ROBO1: variants seen among roughly 807,000 people sequenced by gnomAD.
ROBO1 encodes roundabout homolog 1.
A neutral mutation model predicts 195.9 loss-of-function variants in ROBO1; 149 were observed. That is an observed-to-expected ratio of 0.76 (90% confidence interval 0.67 to 0.87). ROBO1 has a LOEUF of 0.87. ROBO1 is among the 40% of genes least tolerant of loss of function. The probability of loss-of-function intolerance (pLI) is 0.00; values close to 1 mark genes in which losing one functional copy is unlikely to be tolerated. For synonymous variants in ROBO1, 816 were observed against 733.2 expected (o/e 1.11, Z -1.82); for missense variants, 1,933 against 2,068.3 (o/e 0.93, Z 1.27).
intron 2 of ROBO1, among the ~76,000 whole-genome samples, chr3:79,473,361 T>G (rs1938384435): frequency 1.3e-5 from 2 of 152,120 alleles, no homozygotes; most frequent in Non-Finnish European, 2.9e-5. Flanking sequence ...TCTCAGAGAC[T>G]CCGGAGGGAA....
intron 4 of ROBO1, among the ~76,000 whole-genome samples, chr3:78,849,831 T>TACACAC (rs576994363): frequency 0.051 from 4,072 of 79,538 alleles, 162 homozygotes; most frequent in African/African-American, 0.11. Context: ...TCTCTCCCAT[T>TACACAC]ACACACACAC....
intron 4 of ROBO1, among the ~76,000 whole-genome samples, chr3:78,907,310 AC>A (rs1021562893): frequency 8.3e-4 from 127 of 152,254 alleles, no homozygotes; most frequent in African/African-American, 2.8e-3. Flanking sequence ...AACAAAAAAA[AC>A]AACCACCTCT....
At chr3:79,058,684 T>C (rs1343797280) in intron 3 of ROBO1, among the ~76,000 whole-genome samples, 1 of 127,888 alleles carries the variant, frequency 7.8e-6, no homozygotes, top group Admixed American at 8.7e-5. Context: ...GCATTAATTG[T>C]CATTTATACA....
At chr3:79,650,161 T>A (rs1337125619) in intron 1 of ROBO1, among the ~76,000 whole-genome samples, 1 of 151,782 alleles carries the variant, frequency 6.6e-6, no homozygotes, top group Non-Finnish European at 1.5e-5. Flanking sequence ...CTCTGAAAAG[T>A]CCAATAAAAA....
At chr3:79,540,992 T>C (rs995984900) in intron 2 of ROBO1, among the ~76,000 whole-genome samples, 3 of 152,104 alleles carry the variant, frequency 2.0e-5, no homozygotes, top group African/African-American at 4.8e-5. Flanking sequence ...ATAGATGAGA[T>C]GAAGTCTTAT....
At chr3:78,695,015 T>A (rs115243467) in intron 8 of ROBO1, among the ~76,000 whole-genome samples, 2,206 of 151,948 alleles carry the variant, frequency 0.015, 41 homozygotes, top group African/African-American at 0.051. Context: ...TAATTTAAAA[T>A]TTTTAATGCA....
intron 4 of ROBO1, among the ~76,000 whole-genome samples, chr3:78,779,711 T>C (rs2083615443): frequency 6.6e-6 from 1 of 152,100 alleles, no homozygotes. Flanking sequence ...TCCTCAAGGA[T>C]CTAGAACCAG....
At chr3:79,463,297 C>A (rs995802275) in intron 2 of ROBO1, among the ~76,000 whole-genome samples, 1 of 151,914 alleles carries the variant, frequency 6.6e-6, no homozygotes, top group African/African-American at 2.4e-5. Context: ...ATGGCGTGAA[C>A]CCAGGAGTCA....
chr3:78,670,680 G>A lies in ROBO1; in HGVS notation c.1343-379C>T, dbSNP rs543726961. On this transcript the variant is annotated intron_variant, in intron 10 of 30. Transcript: ENST00000464233. ...TAACAAAAAGACCATTCCTCTCAAG[G>A]AAACATATGAGATAAATTTTAATAA... 72 of 159,032 alleles carry A rather than the reference G, an allele frequency of 4.5e-4. No individual in the cohort carries two copies. In the South Asian group the frequency reaches 0.013, roughly 28 times the overall value. The allele number at this position is 159,032 out of a possible 1,614,324, so 9.9% of individuals were successfully genotyped here.
At chr3:79,153,214 C>A (rs573448484) in intron 2 of ROBO1, among the ~76,000 whole-genome samples, 1 of 151,652 alleles carries the variant, frequency 6.6e-6, no homozygotes, top group African/African-American at 2.4e-5. Flanking sequence ...AAGACTTCCA[C>A]GTAGAAGAAC....
chr3:79,137,899 G>T (rs965341229), intron 2 of ROBO1, among the ~76,000 whole-genome samples: 2 of 151,910 alleles, frequency 1.3e-5, no homozygotes, highest in African/African-American at 2.4e-5. Flanking sequence ...CAATAAGATT[G>T]GATAATTTCA....
intron 1 of ROBO1, among the ~76,000 whole-genome samples, chr3:79,692,521 G>A (rs930128567): frequency 1.3e-5 from 2 of 151,784 alleles, no homozygotes; most frequent in African/African-American, 4.8e-5. Flanking sequence ...TCCATTCAAA[G>A]ACCCCATTGT....
At chr3:79,538,215 T>C (rs1006355689) in intron 2 of ROBO1, among the ~76,000 whole-genome samples, 2 of 152,152 alleles carry the variant, frequency 1.3e-5, no homozygotes, top group Non-Finnish European at 2.9e-5. Flanking sequence ...CACTTTTGTG[T>C]CTGAAGAGTT....
At chr3:79,614,517 C>G (rs1944760478) in intron 1 of ROBO1, among the ~76,000 whole-genome samples, 1 of 151,918 alleles carries the variant, frequency 6.6e-6, no homozygotes, top group Non-Finnish European at 1.5e-5. Context: ...TTAGCGATGC[C>G]TCATGATATT....
Position 78,651,720 on chromosome 3 carries a change from G to A in ROBO1, c.2812+12C>T, listed in dbSNP as rs1706671136. 7 of 1,541,000 alleles carry A rather than the reference G, an allele frequency of 4.5e-6. No homozygotes were observed. The highest frequency in any genetic ancestry group is 6.1e-6 in the Non-Finnish European group (7 of 1,143,674). ...AAACATTAAAATATGAAAACCTTGG[G>A]AAAGCTAATACCTTTTCTGATACCC... is the stretch of plus-strand genomic sequence containing the variant. On this transcript the variant is annotated intron_variant, in intron 19 of 30. Coordinates refer to ENST00000464233, the MANE Select transcript of ROBO1 (RefSeq NM_002941.4).
chr3:78,693,212 C>A, intron 8 of ROBO1: 1 of 1,202,050 alleles, frequency 8.3e-7, no homozygotes, highest in Non-Finnish European at 1.2e-6. Context: ...TGCAGTCTGT[C>A]TTTGTGGCCA....
intron 2 of ROBO1, among the ~76,000 whole-genome samples, chr3:79,283,147 C>A (rs1267241753): frequency 3.3e-5 from 5 of 152,164 alleles, no homozygotes; most frequent in Non-Finnish European, 7.3e-5. Flanking sequence ...CTCAATCATG[C>A]CATCCATAAT....
chr3:78,662,215 A>G (rs1707462520), intron 14 of ROBO1, 101 bp from the exon 15 acceptor site: 9 of 1,092,498 alleles, frequency 8.2e-6, no homozygotes, highest in Non-Finnish European at 1.2e-5. Context: ...ACTCTCAGTA[A>G]AGAAGAGTCC....
chr3:79,412,525 A>G (rs1201155539), intron 2 of ROBO1, among the ~76,000 whole-genome samples: 5 of 152,170 alleles, frequency 3.3e-5, no homozygotes, highest in African/African-American at 1.2e-4. Context: ...GTTGTTAAGG[A>G]AAGAAAAAAA....
Sources: allele counts gnomAD v4.1 joint callset (sites outside exome capture counted in the v4.1 genomes callset), GRCh38; gene constraint gnomAD v4.1.1; transcripts MANE v1.5; gene names NCBI Gene and HGNC (gene_info 2026-07-23, HGNC 2026-07-21).